The following GRID2 variants were observed in gnomAD, a reference collection of about 807,000 sequenced individuals.
GRID2 encodes glutamate ionotropic receptor delta type subunit 2.
In GRID2, 33 loss-of-function variants were observed where a neutral mutation model predicts 114.8. The observed-to-expected ratio is 0.29, with a 90% CI of 0.22 to 0.38. The LOEUF is 0.38. GRID2 is among the 10% of genes least tolerant of loss of function. The probability of loss-of-function intolerance (pLI) is 1.00; values close to 1 mark genes in which losing one functional copy is unlikely to be tolerated. For missense variants in GRID2, 1,184 were observed against 1,257.7 expected, an observed-to-expected ratio of 0.94 and a Z score of 0.89; for synonymous variants, 505 against 449.9, an observed-to-expected ratio of 1.12 and a Z score of -1.55.
intron 1 of GRID2, among the ~76,000 whole-genome samples, chr4:92,422,459 C>G (rs1353597373): frequency 6.6e-6 from 1 of 151,964 alleles, no homozygotes; most frequent in Non-Finnish European, 1.5e-5. Flanking sequence ...TTACTCAAAT[C>G]AGTCTCCCCA....
chr4:92,796,328 C>G (rs1462148260), intron 2 of GRID2, among the ~76,000 whole-genome samples: 1 of 151,882 alleles, frequency 6.6e-6, no homozygotes, highest in Non-Finnish European at 1.5e-5. Context: ...CTTTATAAGG[C>G]AGTCCCTTAC....
Position 93,156,145 on chromosome 4 carries a change from A to G in GRID2, c.735+45192A>G, listed in dbSNP as rs1737166248. On this transcript the variant is annotated intron_variant, in intron 4 of 15. Transcript: ENST00000282020. ...TAAAAATTTTAAAGATTATGAATGA[A>G]TAAATATGTATGAAGTACTTGGAAC... Among the ~76,000 whole-genome samples, 3 of 151,790 alleles carry G rather than the reference A, an allele frequency of 2.0e-5. No individual in the cohort carries two copies. The South Asian group carries it at 6.2e-4, about 31-fold the overall frequency.
chr4:93,056,041 A>G (rs533816477), intron 2 of GRID2, among the ~76,000 whole-genome samples: 66 of 151,894 alleles, frequency 4.3e-4, no homozygotes, highest in Non-Finnish European at 9.4e-4. Flanking sequence ...GAACTCATTA[A>G]GGTCCCACAT....
At chr4:92,461,011 A>G (rs1018792112) in intron 1 of GRID2, among the ~76,000 whole-genome samples, 1 of 151,734 alleles carries the variant, frequency 6.6e-6, no homozygotes, top group Non-Finnish European at 1.5e-5. Context: ...CTATTTTACC[A>G]CATATTTATT....
chr4:93,576,439 T>G (rs531690359), intron 13 of GRID2, among the ~76,000 whole-genome samples: 1 of 152,306 alleles, frequency 6.6e-6, no homozygotes, highest in South Asian at 2.1e-4. Flanking sequence ...TGCTACTTTT[T>G]GGGGGTCAGG....
chr4:93,712,019 G>T (rs1227719681), intron 14 of GRID2, among the ~76,000 whole-genome samples: 3 of 139,598 alleles, frequency 2.1e-5, no homozygotes, highest in African/African-American at 2.9e-5. Context: ...TGTTGTTGTT[G>T]TTGTTTTAAT....
At chr4:92,930,924 A>G (rs1750183947) in intron 2 of GRID2, among the ~76,000 whole-genome samples, 1 of 151,086 alleles carries the variant, frequency 6.6e-6, no homozygotes, top group Non-Finnish European at 1.5e-5. Context: ...TGGCAGGTTA[A>G]TTCTATCAAG....
chr4:92,620,169 A>G (rs1372261935), intron 2 of GRID2, among the ~76,000 whole-genome samples: 1 of 151,778 alleles, frequency 6.6e-6, no homozygotes, highest in Non-Finnish European at 1.5e-5. Context: ...TTGAATGTGA[A>G]ACTAAGGTTT....
rs1726491435 is a variant in GRID2, at chr4:93,690,822, A to G, written c.2360+64387A>G. The stretch of plus-strand genomic sequence containing the variant: ...ATAATCATTCCAATATAATGAAATG[A>G]AAGGCTTATTTTATATATAATATGT... On this transcript the variant is annotated intron_variant, in intron 14 of 15. Transcript: ENST00000282020. Among the ~76,000 whole-genome samples, 4 of 151,108 alleles carry G rather than the reference A, an allele frequency of 2.6e-5. No individual in the cohort carries two copies. The South Asian group carries it at 8.3e-4, about 31-fold the overall frequency.
intron 2 of GRID2, among the ~76,000 whole-genome samples, chr4:92,921,437 G>T (rs1441916714): frequency 6.6e-6 from 1 of 151,964 alleles, no homozygotes; most frequent in East Asian, 1.9e-4. Context: ...GATTTTTAGA[G>T]TTTCCAGTTT....
At chr4:93,239,116 T>C (rs1375473205) in intron 8 of GRID2, among the ~76,000 whole-genome samples, 2 of 147,970 alleles carry the variant, frequency 1.4e-5, no homozygotes, top group African/African-American at 4.9e-5. Flanking sequence ...TTGCTATATA[T>C]AAATTTTTGA....
intron 1 of GRID2, among the ~76,000 whole-genome samples, chr4:93,791,911 T>C (rs1017384862): frequency 2.6e-5 from 4 of 152,236 alleles, no homozygotes; most frequent in African/African-American, 9.6e-5. Context: ...GACTTTATTC[T>C]TCCCTTTAAC....
chr4:92,456,761 C>A (rs1387894770), intron 1 of GRID2, among the ~76,000 whole-genome samples: 1 of 152,022 alleles, frequency 6.6e-6, no homozygotes, highest in Non-Finnish European at 1.5e-5. Flanking sequence ...GTAGGGAACA[C>A]AGGTTCCATT....
At chr4:93,077,624 CTTG>C (rs1278837134) in intron 2 of GRID2, among the ~76,000 whole-genome samples, 2 of 152,080 alleles carry the variant, frequency 1.3e-5, no homozygotes, top group Non-Finnish European at 2.9e-5. Flanking sequence ...TCACTCTTTG[CTTG>C]TTATGTTTAT....
chr4:92,674,599 T>C (rs1252245989), intron 2 of GRID2, among the ~76,000 whole-genome samples: 1 of 152,154 alleles, frequency 6.6e-6, no homozygotes, highest in African/African-American at 2.4e-5. Flanking sequence ...CTCAGCTCAC[T>C]GCAACCTCCG....
intron 2 of GRID2, among the ~76,000 whole-genome samples, chr4:92,722,780 G>C (rs1735872328): frequency 6.6e-6 from 1 of 152,046 alleles, no homozygotes; most frequent in Admixed American, 6.6e-5. Flanking sequence ...AGAAACATAA[G>C]ATTATTTAGA....
At position 93,383,356 on chromosome 4, in the gene GRID2, T is replaced by A. The variant is rs573957389; in HGVS notation, c.1246-12251T>A. On this transcript the variant is annotated intron_variant, in intron 8 of 15. Coordinates refer to ENST00000282020, the MANE Select transcript of GRID2 (RefSeq NM_001510.4). ...TTGTGAACTGCATGTAAGTTGCTCC[T>A]GAAACATATTCATGGCTGCCTGCCA... is the stretch of plus-strand genomic sequence containing the variant. Among the ~76,000 whole-genome samples, 6 of 152,294 alleles carry A rather than the reference T, an allele frequency of 3.9e-5. No individual in the cohort carries two copies. In the East Asian group the frequency reaches 7.7e-4, roughly 20 times the overall value.
At chr4:92,723,991 T>A (rs1054825540) in intron 2 of GRID2, among the ~76,000 whole-genome samples, 3 of 152,308 alleles carry the variant, frequency 2.0e-5, no homozygotes, top group Admixed American at 2.0e-4. Flanking sequence ...GTGAATTAGA[T>A]ATATTATTAA....
At chr4:92,990,345 TAG>T (rs1304726734) in intron 2 of GRID2, among the ~76,000 whole-genome samples, 1 of 149,922 alleles carries the variant, frequency 6.7e-6, no homozygotes, top group Non-Finnish European at 1.5e-5. Context: ...TTTTTTGAGA[TAG>T]AGTCTTGATC....
Sources: gnomAD v4.1 joint callset for allele counts (sites outside exome capture counted in the v4.1 genomes callset) on GRCh38, gnomAD v4.1.1 for gene constraint, MANE v1.5 for transcripts, NCBI Gene and HGNC (gene_info 2026-07-23, HGNC 2026-07-21) for gene names.